Variants in CSGALNACT1 observed in about 807,000 individuals in gnomAD.
The protein encoded by CSGALNACT1 is beta4GalNAcT-1.
In CSGALNACT1, 52 loss-of-function variants were observed where a neutral mutation model predicts 51.0. That is an observed-to-expected ratio of 1.02 (90% CI 0.82 to 1.29). The LOEUF (loss-of-function observed/expected upper bound fraction) is 1.29, where lower values mean the gene tolerates loss of function less well. Ranked by LOEUF, CSGALNACT1 falls within the 50% of genes most tolerant of loss-of-function variation. The probability of loss-of-function intolerance (pLI) is 0.00; values close to 1 mark genes in which losing one functional copy is unlikely to be tolerated. For synonymous variants in CSGALNACT1, 341 were observed against 254.4 expected, an observed-to-expected ratio of 1.34 and a Z score of -3.24; for missense variants, 935 against 679.2, an observed-to-expected ratio of 1.38 and a Z score of -4.19.
At chr8:19,695,011 G>A (rs1362928065) in intron 1 of CSGALNACT1, among the ~76,000 whole-genome samples, 3 of 152,154 alleles carry the variant, frequency 2.0e-5, no homozygotes, top group Non-Finnish European at 2.9e-5. Context: ...GGCAGCACAG[G>A]CCCCCCATCT....
intron 1 of CSGALNACT1, among the ~76,000 whole-genome samples, chr8:19,619,636 G>C (rs994945705): frequency 1.3e-5 from 2 of 152,164 alleles, no homozygotes; most frequent in Admixed American, 1.3e-4. Context: ...TTGTCACATA[G>C]GGTAAGGAAG....
At chr8:19,436,943 A>G (rs2060477749) in intron 6 of CSGALNACT1, among the ~76,000 whole-genome samples, 1 of 152,136 alleles carries the variant, frequency 6.6e-6, no homozygotes, top group African/African-American at 2.4e-5. Flanking sequence ...TATGTGCACA[A>G]ATTTACTATA....
At chr8:19,583,055 T>C (rs1233935885) in intron 3 of CSGALNACT1, among the ~76,000 whole-genome samples, 1 of 152,040 alleles carries the variant, frequency 6.6e-6, no homozygotes, top group African/African-American at 2.4e-5. Flanking sequence ...AAAAAATTCT[T>C]TTTCTTTTTA....
At chr8:19,726,007 A>G (rs1193582417) in intron 1 of CSGALNACT1, among the ~76,000 whole-genome samples, 1 of 152,184 alleles carries the variant, frequency 6.6e-6, no homozygotes, top group Non-Finnish European at 1.5e-5. Context: ...TATCATTCAG[A>G]GTAGTTTCAC....
intron 3 of CSGALNACT1, among the ~76,000 whole-genome samples, chr8:19,538,287 T>C (rs1420552710): frequency 2.0e-5 from 3 of 152,120 alleles, no homozygotes; most frequent in Non-Finnish European, 2.9e-5. Flanking sequence ...GCTATGATTG[T>C]ACTCCATCCT....
intron 1 of CSGALNACT1, among the ~76,000 whole-genome samples, chr8:19,615,754 G>C (rs1388195813): frequency 1.3e-5 from 2 of 152,092 alleles, no homozygotes; most frequent in Non-Finnish European, 2.9e-5. Flanking sequence ...AACAAGAAGA[G>C]GAGCAAGATG....
chr8:19,676,379 T>C (rs1426734269), intron 1 of CSGALNACT1, among the ~76,000 whole-genome samples: 3 of 151,954 alleles, frequency 2.0e-5, no homozygotes, highest in African/African-American at 7.2e-5. Context: ...ACAGGAACTA[T>C]AAAAAAGAAC....
At chr8:19,552,421 A>C (rs1337357420) in intron 3 of CSGALNACT1, among the ~76,000 whole-genome samples, 1 of 152,178 alleles carries the variant, frequency 6.6e-6, no homozygotes, top group Non-Finnish European at 1.5e-5. Flanking sequence ...TTGACAACTC[A>C]ATTCCTTCCA....
chr8:19,422,822 G>A (rs2058155950), intron 6 of CSGALNACT1, among the ~76,000 whole-genome samples: 1 of 152,124 alleles, frequency 6.6e-6, no homozygotes, highest in Non-Finnish European at 1.5e-5. Context: ...TCCAGGAAAG[G>A]TTTACCCATG....
intron 1 of CSGALNACT1, among the ~76,000 whole-genome samples, chr8:19,653,689 G>A (rs902053277): frequency 3.3e-5 from 5 of 152,040 alleles, no homozygotes; most frequent in Admixed American, 6.5e-5. Context: ...AGCTACTTGT[G>A]AGGCTGAGGC....
chr8:19,751,604 G>T (rs1472163), intron 1 of CSGALNACT1, among the ~76,000 whole-genome samples: 33,306 of 152,048 alleles, frequency 0.22, 3,807 homozygotes, highest in African/African-American at 0.26. Context: ...TGATATGGTT[G>T]GGTTCTATGC....
intron 4 of CSGALNACT1, among the ~76,000 whole-genome samples, chr8:19,474,200 C>T (rs757652202): frequency 1.3e-5 from 2 of 151,842 alleles, no homozygotes; most frequent in Non-Finnish European, 2.9e-5. Context: ...TCTGTGGGCT[C>T]CATGGAAGTC....
At chr8:19,483,743 G>T (rs1309942937) in intron 4 of CSGALNACT1, among the ~76,000 whole-genome samples, 2 of 152,088 alleles carry the variant, frequency 1.3e-5, no homozygotes, top group Non-Finnish European at 2.9e-5. Flanking sequence ...GGGCCAGCTG[G>T]GAAACTCTCA....
At chr8:19,494,505 T>C (rs1165845192) in intron 4 of CSGALNACT1, among the ~76,000 whole-genome samples, 6 of 152,192 alleles carry the variant, frequency 3.9e-5, no homozygotes, top group African/African-American at 1.4e-4. Flanking sequence ...CTCTGGGGCT[T>C]GTGAGAGGCA....
chr8:19,698,113 C>G (rs139000806), intron 1 of CSGALNACT1, among the ~76,000 whole-genome samples: 20 of 152,268 alleles, frequency 1.3e-4, no homozygotes, highest in African/African-American at 4.8e-4. Context: ...GCTGGGGAAG[C>G]AGGGAGAAGT....
intron 1 of CSGALNACT1, among the ~76,000 whole-genome samples, chr8:19,749,022 G>A (rs1021625629): frequency 2.0e-5 from 3 of 151,408 alleles, no homozygotes; most frequent in Admixed American, 6.6e-5. Context: ...AAGTGAGGTC[G>A]TTGTGCATGA....
At chr8:19,440,300 T>C (rs527879939) in intron 5 of CSGALNACT1, among the ~76,000 whole-genome samples, 74 of 152,254 alleles carry the variant, frequency 4.9e-4, no homozygotes, top group African/African-American at 1.7e-3. Flanking sequence ...TTGATGAACA[T>C]TGATGCAAAA....
chr8:19,514,886 G>A (rs2079222637), intron 3 of CSGALNACT1, among the ~76,000 whole-genome samples: 1 of 152,074 alleles, frequency 6.6e-6, no homozygotes, highest in African/African-American at 2.4e-5. Flanking sequence ...GTAGTATTAT[G>A]TATTTACAAT....
chr8:19,646,656 GC>G (rs2154180669), intron 1 of CSGALNACT1, among the ~76,000 whole-genome samples: 1 of 152,208 alleles, frequency 6.6e-6, no homozygotes, highest in South Asian at 2.1e-4. Flanking sequence ...TCTCAGTGTT[GC>G]CCCCTTACTT....
Sources: gnomAD v4.1 joint callset for allele counts (sites outside exome capture counted in the v4.1 genomes callset) on GRCh38, gnomAD v4.1.1 for gene constraint, MANE v1.5 for transcripts, NCBI Gene and HGNC (gene_info 2026-07-23, HGNC 2026-07-21) for gene names.